Variants in SH3GL2 observed in about 807,000 individuals in gnomAD.
The protein encoded by SH3GL2 is endophilin-A1.
In SH3GL2, 24 loss-of-function variants were observed where a neutral mutation model predicts 46.0. The ratio of observed to expected loss-of-function variants is 0.52; its 90% CI spans 0.38 to 0.73. The LOEUF (loss-of-function observed/expected upper bound fraction) is 0.73. Among genes scored for constraint, SH3GL2 ranks in the 30% least tolerant of loss-of-function variants. SH3GL2 has a pLI of 0.00. For synonymous variants in SH3GL2, 196 were observed against 147.1 expected, an observed-to-expected ratio of 1.33 and a Z score of -2.40; for missense variants, 413 against 424.2, an observed-to-expected ratio of 0.97 and a Z score of 0.23.
intron 1 of SH3GL2, among the ~76,000 whole-genome samples, chr9:17,703,075 G>A (rs1821377896): frequency 6.6e-6 from 1 of 152,008 alleles, no homozygotes; most frequent in African/African-American, 2.4e-5. Context: ...GGACACATCA[G>A]ACATTGTCAG....
intron 3 of SH3GL2, among the ~76,000 whole-genome samples, chr9:17,772,188 T>A (rs1823504086): frequency 6.6e-6 from 1 of 152,234 alleles, no homozygotes; most frequent in African/African-American, 2.4e-5. Context: ...AGATGCTATT[T>A]ATTACATAAA....
At chr9:17,746,412 G>T (rs999244675) in intron 1 of SH3GL2, among the ~76,000 whole-genome samples, 1 of 152,194 alleles carries the variant, frequency 6.6e-6, no homozygotes, top group Non-Finnish European at 1.5e-5. Context: ...CATGTGGTTA[G>T]TGACTGTTTG....
At chr9:17,635,498 C>T (rs1190729957) in intron 1 of SH3GL2, among the ~76,000 whole-genome samples, 1 of 152,186 alleles carries the variant, frequency 6.6e-6, no homozygotes, top group Non-Finnish European at 1.5e-5. Context: ...GAGCACGTGG[C>T]TGACTCATTG....
intron 1 of SH3GL2, among the ~76,000 whole-genome samples, chr9:17,580,012 A>G (rs957069861): frequency 6.6e-6 from 1 of 152,330 alleles, no homozygotes; most frequent in African/African-American, 2.4e-5. Flanking sequence ...AATCTTTGGC[A>G]TCTTGGATGT....
chr9:17,739,149 G>A (rs914131250), intron 1 of SH3GL2, among the ~76,000 whole-genome samples: 1 of 152,094 alleles, frequency 6.6e-6, no homozygotes, highest in Admixed American at 6.6e-5. Flanking sequence ...CACAAAACTG[G>A]TTAGTAGAAA....
rs76808962 is a variant in SH3GL2, at chr9:17,735,139, G to C, written c.46-11927G>C. On this transcript the variant is annotated intron_variant, in intron 1 of 8. Transcript: ENST00000380607. ...GTCTTTTCTTTCTAAATATTCCTCTGTCTCTTCCTCTCAGGTCTCACTTGA... is the reference window on the plus strand; with the variant it reads ...GTCTTTTCTTTCTAAATATTCCTCTCTCTCTTCCTCTCAGGTCTCACTTGA... Among the ~76,000 whole-genome samples, 283 of 152,102 alleles carry C rather than the reference G, an allele frequency of 1.9e-3. 10 individuals are homozygous for C. In the East Asian group the frequency reaches 0.044, roughly 23 times the overall value.
At chr9:17,775,971 T>A (rs1456401766) in intron 3 of SH3GL2, among the ~76,000 whole-genome samples, 1 of 152,208 alleles carries the variant, frequency 6.6e-6, no homozygotes, top group Non-Finnish European at 1.5e-5. Flanking sequence ...AGGAAGCCAC[T>A]CTTGAGAATA....
At chr9:17,730,951 T>C (rs1207004638) in intron 1 of SH3GL2, among the ~76,000 whole-genome samples, 2 of 152,108 alleles carry the variant, frequency 1.3e-5, no homozygotes, top group Non-Finnish European at 2.9e-5. Context: ...TAGGCTTACT[T>C]AGAGAACGGG....
At chr9:17,656,770 C>CAAAAAAAAAAA (rs36079244) in intron 1 of SH3GL2, among the ~76,000 whole-genome samples, 2 of 101,560 alleles carry the variant, frequency 2.0e-5, no homozygotes, top group Non-Finnish European at 3.8e-5. Flanking sequence ...GACTACATCT[C>CAAAAAAAAAAA]AAAAAAAAAA....
At chr9:17,782,307 C>A (rs748796251) in intron 3 of SH3GL2, among the ~76,000 whole-genome samples, 1 of 152,074 alleles carries the variant, frequency 6.6e-6, no homozygotes, top group African/African-American at 2.4e-5. Flanking sequence ...AAAATAAGAG[C>A]CTTTTTTCTG....
At chr9:17,620,408 A>G (rs1478022680) in intron 1 of SH3GL2, among the ~76,000 whole-genome samples, 1 of 152,192 alleles carries the variant, frequency 6.6e-6, no homozygotes, top group Non-Finnish European at 1.5e-5. Flanking sequence ...CAGCTTACGC[A>G]TGTTACTTAA....
At chr9:17,693,685 C>G (rs921085272) in intron 1 of SH3GL2, among the ~76,000 whole-genome samples, 7 of 152,096 alleles carry the variant, frequency 4.6e-5, no homozygotes, top group African/African-American at 1.7e-4. Flanking sequence ...TAATTCTTTT[C>G]CTAGATGATA....
At chr9:17,674,210 C>T (rs937022064) in intron 1 of SH3GL2, among the ~76,000 whole-genome samples, 4 of 152,086 alleles carry the variant, frequency 2.6e-5, no homozygotes, top group Admixed American at 1.3e-4. Flanking sequence ...ACCAGATCAC[C>T]CCAAAACTAA....
intron 3 of SH3GL2, among the ~76,000 whole-genome samples, chr9:17,769,622 C>T (rs1460443293): frequency 2.0e-5 from 3 of 152,076 alleles, no homozygotes; most frequent in South Asian, 2.1e-4. Context: ...AGTCAGATGC[C>T]GTCTCCCTGT....
chr9:17,752,820 A>T (rs1822884813), intron 2 of SH3GL2, among the ~76,000 whole-genome samples: 1 of 152,218 alleles, frequency 6.6e-6, no homozygotes, highest in East Asian at 1.9e-4. Context: ...TATTAAGCCT[A>T]GTACTCATTA....
At chr9:17,646,913 A>G (rs1819832794) in intron 1 of SH3GL2, among the ~76,000 whole-genome samples, 1 of 152,186 alleles carries the variant, frequency 6.6e-6, no homozygotes, top group Admixed American at 6.5e-5. Flanking sequence ...GTGCTGGGTG[A>G]TCCACTGCTC....
At chr9:17,670,690 A>C (rs1332398571) in intron 1 of SH3GL2, among the ~76,000 whole-genome samples, 1 of 152,174 alleles carries the variant, frequency 6.6e-6, no homozygotes, top group East Asian at 1.9e-4. Flanking sequence ...ATTGTCATTT[A>C]AGTATGTCGC....
intron 1 of SH3GL2, among the ~76,000 whole-genome samples, chr9:17,621,501 T>C (rs1243992074): frequency 6.6e-6 from 1 of 152,216 alleles, no homozygotes; most frequent in African/African-American, 2.4e-5. Flanking sequence ...TGTGTCTTTA[T>C]TTTATTGGAA....
intron 1 of SH3GL2, among the ~76,000 whole-genome samples, chr9:17,731,212 C>A (rs772405769): frequency 1.1e-4 from 17 of 152,020 alleles, no homozygotes; most frequent in South Asian, 2.1e-4. Context: ...AATTATAAAT[C>A]TTATGTTTCT....
Sources: gnomAD v4.1 joint callset for allele counts (sites outside exome capture counted in the v4.1 genomes callset) on GRCh38, gnomAD v4.1.1 for gene constraint, MANE v1.5 for transcripts, NCBI Gene and HGNC (gene_info 2026-07-23, HGNC 2026-07-21) for gene names.